ZNF254: variants seen among roughly 807,000 people sequenced by gnomAD.
ZNF254 encodes zinc finger protein 254.
A neutral mutation model predicts 12.4 loss-of-function variants in ZNF254; 10 were observed. The ratio of observed to expected loss-of-function variants is 0.80; its 90% CI spans 0.50 to 1.36. The LOEUF (loss-of-function observed/expected upper bound fraction) is 1.36. ZNF254 is among the 40% of genes most tolerant of loss of function. ZNF254 has a pLI of 0.00. For missense variants in ZNF254, 996 were observed against 763.9 expected (o/e 1.30, Z -3.58); for synonymous variants, 305 against 253.4 (o/e 1.20, Z -1.93).
Position 24,105,977 on chromosome 19 carries a change from C to A in ZNF254, c.68C>A (p.Ser23Tyr), listed in dbSNP as rs186726580. Reference sequence around the variant, plus strand: ...TTTAGGGATGTGGCCATAGAATTCTCTCTGGAGGAGTGGCAACACCTGGAC... The same window carrying A: ...TTTAGGGATGTGGCCATAGAATTCTATCTGGAGGAGTGGCAACACCTGGAC... ...LTFRDVAIEF[S>Y]LEEWQHLDIA... The change falls in exon 2 of 4, where the codon TCT becomes TAT. Residue 23 changes from serine to tyrosine, a missense_variant. Transcript: ENST00000357002. The A allele has an allele frequency of 6.3e-7, 1 of 1,599,286 alleles. No homozygotes were observed. The highest frequency in any genetic ancestry group is 1.7e-5 in the Admixed American group (1 of 59,556).
chr19:24,048,333 C>T (rs111462744), intron 2 of ZNF254, among the ~76,000 whole-genome samples: 4,158 of 152,332 alleles, frequency 0.027, 81 homozygotes, highest in Middle Eastern at 0.054. Flanking sequence ...AGGCCGCAAG[C>T]GCCACACATG....
chr19:24,053,027 CAT>C (rs1483085475), intron 2 of ZNF254, among the ~76,000 whole-genome samples: 2 of 152,198 alleles, frequency 1.3e-5, no homozygotes, highest in African/African-American at 4.8e-5. Context: ...TTGCGACACT[CAT>C]ATGCATAGCC....
intron 2 of ZNF254, among the ~76,000 whole-genome samples, chr19:24,055,292 T>C (rs548199646): frequency 9.2e-4 from 140 of 151,818 alleles, no homozygotes; most frequent in African/African-American, 3.3e-3. Flanking sequence ...TTTCTTTTTT[T>C]CTTTTGAGAT....
At chr19:24,082,657 C>G (rs1368880289), upstream of ZNF254, among the ~76,000 whole-genome samples, 1 of 120,326 alleles carries the variant, frequency 8.3e-6, no homozygotes, top group Admixed American at 8.7e-5. Flanking sequence ...CTCAAAAAAA[C>G]AAAAAAAAAA....
chr19:24,124,869 G>C (rs1974723459), intron 3 of ZNF254, among the ~76,000 whole-genome samples: 1 of 151,882 alleles, frequency 6.6e-6, no homozygotes, highest in Non-Finnish European at 1.5e-5. Flanking sequence ...CACTTCCTGG[G>C]TTCAAGTGGT....
At chr19:24,124,080 G>C (rs1033526339) in intron 3 of ZNF254, among the ~76,000 whole-genome samples, 4 of 151,488 alleles carry the variant, frequency 2.6e-5, no homozygotes, top group African/African-American at 9.7e-5. Flanking sequence ...ATCTTTCTTT[G>C]TGTCTTTTTG....
chr19:24,105,490 A>T (rs1468941917), intron 1 of ZNF254: 1 of 211,050 alleles, frequency 4.7e-6, no homozygotes, highest in Non-Finnish European at 9.4e-6. Flanking sequence ...TTTATTTCAG[A>T]TCTCCCCAAA....
At chr19:24,052,389 C>T (rs557433867) in intron 2 of ZNF254, among the ~76,000 whole-genome samples, 2 of 152,308 alleles carry the variant, frequency 1.3e-5, no homozygotes, top group South Asian at 4.1e-4. Context: ...TTGAGTTCAA[C>T]ACCCATGAAA....
At chr19:24,044,537 C>CAA (rs767180895) in intron 1 of ZNF254, among the ~76,000 whole-genome samples, 23,076 of 116,204 alleles carry the variant, frequency 0.2, 1,965 homozygotes, top group Middle Eastern at 0.28. Context: ...GACTCAGTCT[C>CAA]AAAAAAAAAA....
At chr19:24,117,841 C>G (rs941138804) in intron 3 of ZNF254, among the ~76,000 whole-genome samples, 11 of 151,910 alleles carry the variant, frequency 7.2e-5, no homozygotes, top group Non-Finnish European at 1.6e-4. Flanking sequence ...ATCTTGGCTG[C>G]TCAAGATTTT....
At chr19:24,096,352 C>A (rs924177420) in intron 1 of ZNF254, among the ~76,000 whole-genome samples, 3 of 152,046 alleles carry the variant, frequency 2.0e-5, no homozygotes, top group East Asian at 1.9e-4. Context: ...AGCCACCATG[C>A]CTGGCCTGTT....
At chr19:24,038,662 G>A (rs1406857688) in intron 1 of ZNF254, among the ~76,000 whole-genome samples, 1 of 152,168 alleles carries the variant, frequency 6.6e-6, no homozygotes, top group Admixed American at 6.5e-5. Context: ...ACATACAATT[G>A]TGCAATTGGG....
intron 1 of ZNF254, among the ~76,000 whole-genome samples, chr19:24,099,459 A>G (rs963160886): frequency 2.0e-5 from 3 of 152,206 alleles, no homozygotes; most frequent in Non-Finnish European, 1.5e-5. Context: ...GAAGAGGGGA[A>G]GCAAGAGTGC....
intron 1 of ZNF254, among the ~76,000 whole-genome samples, chr19:24,092,273 T>C (rs987234976): frequency 3.3e-5 from 5 of 151,620 alleles, no homozygotes; most frequent in Admixed American, 3.3e-4. Flanking sequence ...TTCAAGCAAT[T>C]CTCCTGCTTC....
At chr19:24,081,123 CT>C (rs1247183667) in intron 2 of ZNF254, among the ~76,000 whole-genome samples, 1 of 151,742 alleles carries the variant, frequency 6.6e-6, no homozygotes, top group Non-Finnish European at 1.5e-5. Flanking sequence ...ACTGCTTACT[CT>C]GTTTTGACCC....
chr19:24,064,988 G>A (rs78274323), intron 2 of ZNF254, among the ~76,000 whole-genome samples: 20 of 152,180 alleles, frequency 1.3e-4, no homozygotes, highest in South Asian at 8.3e-4. Context: ...AAAATTTGTG[G>A]CAGATCACTG....
chr19:24,060,881 ACT>A (rs1157919077), intron 2 of ZNF254, among the ~76,000 whole-genome samples: 5 of 151,522 alleles, frequency 3.3e-5, no homozygotes, highest in African/African-American at 7.3e-5. Flanking sequence ...TGATTATGTG[ACT>A]CTCCTGTTTC....
At chr19:24,105,661 A>G (rs1020562191) in intron 1 of ZNF254, 1 of 298,562 alleles carries the variant, frequency 3.3e-6, no homozygotes, top group African/African-American at 2.3e-5. Flanking sequence ...TAAACGTAGC[A>G]CTCAAAAATG....
intron 1 of ZNF254, among the ~76,000 whole-genome samples, chr19:24,043,449 A>T (rs62113672): frequency 0.16 from 24,136 of 151,918 alleles, 2,068 homozygotes; most frequent in Middle Eastern, 0.23. Context: ...TTTACTAGAG[A>T]CGGCATTTCA....
Sources: allele counts gnomAD v4.1 joint callset (sites outside exome capture counted in the v4.1 genomes callset), GRCh38; gene constraint gnomAD v4.1.1; transcripts MANE v1.5; gene names NCBI Gene and HGNC (gene_info 2026-07-23, HGNC 2026-07-21).